Variants in TMEM202 observed in about 807,000 individuals in gnomAD.
TMEM202 encodes transmembrane protein 202.
A neutral mutation model predicts 26.1 loss-of-function variants in TMEM202; 25 were observed. That is an observed-to-expected ratio of 0.96 (90% CI 0.70 to 1.34). The LOEUF (loss-of-function observed/expected upper bound fraction) is 1.34. Among genes scored for constraint, TMEM202 ranks in the 40% most tolerant of loss-of-function variants. The pLI is 0.00. For missense variants in TMEM202, 301 were observed against 327.7 expected, an observed-to-expected ratio of 0.92 and a Z score of 0.63; for synonymous variants, 122 against 119.0, an observed-to-expected ratio of 1.02 and a Z score of -0.16.
intron 2 of TMEM202, among the ~76,000 whole-genome samples, chr15:72,402,174 C>G (rs950077461): frequency 1.3e-5 from 2 of 152,130 alleles, no homozygotes; most frequent in Non-Finnish European, 2.9e-5. Flanking sequence ...CCATGTTAGC[C>G]AGGCAGGTCT....
rs757469004 is a variant in TMEM202 at position 72,406,642 on chromosome 15, C to G, written c.378C>G (p.Val126=). 6.2e-7 allele frequency: 1 copy of G among 1,614,004 alleles called. No individual in the cohort carries two copies. Among genetic ancestry groups the G allele is most frequent in the South Asian group, 1.1e-5 (1 of 91,062 alleles). The change falls in exon 3 of 5, where the codon GTC becomes GTG. Residue 126 remains valine (V), a synonymous_variant. Transcript: ENST00000341689. ...QYSRAFFLIS[V]FTILTGLGWL... Reference sequence around the variant, plus strand: ...CCAGGGCCTTCTTTCTCATCTCTGTCTTTACCATACTTACTGGCCTTGGCT... The same window carrying G: ...CCAGGGCCTTCTTTCTCATCTCTGTGTTTACCATACTTACTGGCCTTGGCT...
In TMEM202 at chr15:72,406,632, T is replaced by G. The variant is rs777811639; in HGVS notation, c.368T>G (p.Leu123Arg). Residue 123 changes from leucine (L) to arginine (R), a missense_variant, in exon 3 of 5, where the codon CTC becomes CGC. By Grantham distance (102) the Leu-to-Arg change is moderately radical. Transcript: ENST00000341689. ...YYLQYSRAFFLISVFTILTGL... is the reference protein window; with the variant it reads ...YYLQYSRAFFRISVFTILTGL... ...CTCCAATATTCCAGGGCCTTCTTTC[T>G]CATCTCTGTCTTTACCATACTTACT... is the stretch of plus-strand genomic sequence containing the variant. The G allele has an allele frequency of 2.3e-5, 37 of 1,613,958 alleles. No individual in the cohort carries two copies. The highest frequency in any genetic ancestry group is 6.7e-5 in the Admixed American group (4 of 60,006).
At chr15:72,402,799 G>C (rs964402078) in intron 2 of TMEM202, among the ~76,000 whole-genome samples, 1 of 152,120 alleles carries the variant, frequency 6.6e-6, no homozygotes, top group African/African-American at 2.4e-5. Context: ...GCTGTGTAGG[G>C]ATGCTTTATT....
rs1327678359 is a variant in TMEM202, at chr15:72,398,316, T to G, written c.-11T>G. The G allele has an allele frequency of 6.2e-7, 1 of 1,610,332 alleles. No homozygotes were observed. The highest frequency in any genetic ancestry group is 1.1e-5 in the South Asian group (1 of 89,942). On this transcript the variant is annotated 5_prime_UTR_variant, in exon 1 of 5. Transcript: ENST00000341689. ...ACAAATTCCGTGGCAGTTAGAGAAC[T>G]AACTGCCAAGATGGAGCGAAGGGAA...
chr15:72,404,042 C>T (rs889753048), intron 2 of TMEM202, among the ~76,000 whole-genome samples: 2 of 152,120 alleles, frequency 1.3e-5, no homozygotes, highest in East Asian at 1.9e-4. Flanking sequence ...GAAATATCCT[C>T]GACAGTGCTC....
At chr15:72,401,261 A>G (rs1046655369) in intron 2 of TMEM202, among the ~76,000 whole-genome samples, 1 of 152,148 alleles carries the variant, frequency 6.6e-6, no homozygotes, top group African/African-American at 2.4e-5. Flanking sequence ...CCTATTCAAG[A>G]TGGAGTTGTT....
intron 2 of TMEM202, among the ~76,000 whole-genome samples, chr15:72,399,842 A>G (rs1337053137): frequency 6.6e-6 from 1 of 152,246 alleles, no homozygotes; most frequent in Admixed American, 6.5e-5. Flanking sequence ...CCCGCAAGAT[A>G]TACATTTACA....
rs775569457 is a variant in TMEM202 at position 72,398,700 on chromosome 15, A to G, written c.129A>G (p.Gln43=). ...KKHPSASMSC[Q]RQQQLMDQAH... ...ATCCAAGTGCCTCGATGTCATGCCA[A>G]AGGCAGCAGCAGCTTATGGATCAGG... Residue 43 remains glutamine (Q), a synonymous_variant, in exon 2 of 5, where the codon CAA becomes CAG. Transcript: ENST00000341689. 3.1e-6 allele frequency: 5 copies of G among 1,614,134 alleles called. No homozygotes were observed. In the East Asian group the frequency reaches 1.1e-4, roughly 36 times the overall value.
chr15:72,398,516 G>GTT (rs200172705), intron 1 of TMEM202, 109 bp downstream of exon 1: 810 of 1,146,650 alleles, frequency 7.1e-4, no homozygotes, highest in Non-Finnish European at 8.5e-4. Flanking sequence ...AAATTGTGGG[G>GTT]TTTTTTTTTT....
intron 3 of TMEM202, 129 bp from the exon 4 acceptor site, chr15:72,406,957 C>T: frequency 2.3e-6 from 3 of 1,330,774 alleles, no homozygotes; most frequent in Non-Finnish European, 3.1e-6. Context: ...TCATCTTGGT[C>T]AGTCCCCAGG....
At chr15:72,399,860 G>A (rs4556749) in intron 2 of TMEM202, among the ~76,000 whole-genome samples, 9,377 of 152,228 alleles carry the variant, frequency 0.062, 388 homozygotes, top group East Asian at 0.12. Context: ...ACACAAAGAA[G>A]TGGGTATTGT....
rs1435644008 is a variant in TMEM202, at chr15:72,398,637, TC to T, written c.82-13del. On this transcript the variant is annotated splice_polypyrimidine_tract_variant and intron_variant, in intron 1 of 4. Transcript: ENST00000341689. Reference sequence around the variant, plus strand: ...GTTATTCTTTCGGGTAGGCAATATTTCCCTCATCCTTGTAGCCTACCGTCCC... The same window carrying T: ...GTTATTCTTTCGGGTAGGCAATATTTCCTCATCCTTGTAGCCTACCGTCCC... 1.2e-6 allele frequency: 2 copies of T among 1,612,280 alleles called. No homozygotes were observed. Among genetic ancestry groups the T allele is most frequent in the East Asian group, 4.5e-5 (2 of 44,822 alleles).
In TMEM202 at chr15:72,398,364, G is replaced by T. The variant is rs759644356; in HGVS notation, c.38G>T (p.Ser13Ile). The T allele has an allele frequency of 6.2e-7, 1 of 1,613,324 alleles. No individual in the cohort carries two copies. The highest frequency in any genetic ancestry group is 2.2e-5 in the East Asian group (1 of 44,896). Residue 13 changes from serine to isoleucine, a missense_variant, in exon 1 of 5, where the codon AGT (serine) becomes ATT (isoleucine). Coordinates refer to ENST00000341689, the MANE Select transcript of TMEM202 (RefSeq NM_001080462.3). ...GAACATTTAACCTTGACTTTCCACA[G>T]TCCTGAGGTTCCCAAAATAAAGGGG... ...RREHLTLTFH[S>I]PEVPKIKGNR...
intron 2 of TMEM202, among the ~76,000 whole-genome samples, chr15:72,404,479 G>C (rs921808646): frequency 2.6e-5 from 4 of 152,108 alleles, no homozygotes; most frequent in Non-Finnish European, 5.9e-5. Flanking sequence ...AAGGCAGGAA[G>C]TTCGCTGGAC....
At chr15:72,401,636 G>T (rs1006030377) in intron 2 of TMEM202, among the ~76,000 whole-genome samples, 1 of 152,166 alleles carries the variant, frequency 6.6e-6, no homozygotes, top group African/African-American at 2.4e-5. Flanking sequence ...TCACCTTTAT[G>T]CAGATAAAGA....
intron 4 of TMEM202, 62 bp from the exon 5 acceptor site, chr15:72,407,629 A>C (rs1352302206): frequency 1.3e-6 from 2 of 1,512,104 alleles, no homozygotes; most frequent in Admixed American, 3.4e-5. Flanking sequence ...ATGCATAAGA[A>C]TTTTAAAAGC....
chr15:72,400,953 G>T (rs190475136), intron 2 of TMEM202, among the ~76,000 whole-genome samples: 1 of 152,210 alleles, frequency 6.6e-6, no homozygotes, highest in Non-Finnish European at 1.5e-5. Context: ...AGACCATATA[G>T]GGTAAATTCC....
chr15:72,398,919 C>T lies in TMEM202; in HGVS notation c.337+11C>T. The T allele has an allele frequency of 6.3e-7, 1 of 1,596,668 alleles. No individual in the cohort carries two copies. The highest frequency in any genetic ancestry group is 8.6e-7 in the Non-Finnish European group (1 of 1,166,900). On this transcript the variant is annotated intron_variant, in intron 2 of 4. Coordinates refer to ENST00000341689, the MANE Select transcript of TMEM202 (RefSeq NM_001080462.3). ...CACCCAAGCCACCCTGTGAGTGCCA[C>T]CGAATTAAATGCCACAGGCCCCACA...
intron 2 of TMEM202, among the ~76,000 whole-genome samples, chr15:72,399,317 T>A (rs78633585): frequency 0.012 from 1,753 of 152,282 alleles, 38 homozygotes; most frequent in African/African-American, 0.04. Flanking sequence ...TTAATTTTTT[T>A]AAATTTTTTT....
Sources: gnomAD v4.1 joint callset for allele counts (sites outside exome capture counted in the v4.1 genomes callset) on GRCh38, gnomAD v4.1.1 for gene constraint, MANE v1.5 for transcripts, NCBI Gene and HGNC (gene_info 2026-07-23, HGNC 2026-07-21) for gene names.